ULK4: variants seen among roughly 807,000 people sequenced by gnomAD.
The protein encoded by ULK4 is inactive serine/threonine-protein kinase ULK4.
A neutral mutation model predicts 160.6 loss-of-function variants in ULK4; 133 were observed. That is an observed-to-expected ratio of 0.83 (90% confidence interval 0.72 to 0.96). The LOEUF is 0.96. Ranked by LOEUF, ULK4 falls within the 40% of genes least tolerant of loss-of-function variation. The probability of loss-of-function intolerance (pLI) is 0.00; values close to 1 mark genes in which losing one functional copy is unlikely to be tolerated. For synonymous variants in ULK4, 534 were observed against 539.8 expected, an observed-to-expected ratio of 0.99 and a Z score of 0.15; for missense variants, 1,580 against 1,499.5, an observed-to-expected ratio of 1.05 and a Z score of -0.89.
rs1197234650 is a variant in ULK4, at chr3:41,348,206, C to CAAAAAA, written c.3678+49867_3678+49872dup. On this transcript the variant is annotated intron_variant, in intron 35 of 36. Coordinates refer to ENST00000301831, the MANE Select transcript of ULK4 (RefSeq NM_017886.4). The stretch of plus-strand genomic sequence containing the variant: ...CCTAGGCAAAAAAGTAACTCTGTCT[C>CAAAAAA]AAAAAAAAAAAAAAAAAAAAAAAAA... Among the ~76,000 whole-genome samples the CAAAAAA allele has an allele frequency of 1.1e-3, 26 of 22,966 alleles. 1 individual carries two copies. The highest frequency in any genetic ancestry group is 4.3e-3 in the African/African-American group (25 of 5,842). The allele number at this position is 22,966 out of a possible 152,430, so 15.1% of individuals were successfully genotyped here.
rs1195001200 is a variant in ULK4, at chr3:41,495,210, G to A, written c.3227-31957C>T. Among the ~76,000 whole-genome samples, 4 of 152,204 alleles carry A rather than the reference G, an allele frequency of 2.6e-5. No individual in the cohort carries two copies. In the East Asian group the frequency reaches 7.7e-4, roughly 29 times the overall value. Reference sequence around the variant, plus strand: ...AGGCTACAGTAACCAAAACAGCATGGTACTGGTACCAAAACAGAGATATAG... The same window carrying A: ...AGGCTACAGTAACCAAAACAGCATGATACTGGTACCAAAACAGAGATATAG... On this transcript the variant is annotated intron_variant, in intron 32 of 36. Transcript: ENST00000301831.
intron 17 of ULK4, among the ~76,000 whole-genome samples, chr3:41,836,590 C>T (rs1194549064): frequency 6.6e-6 from 1 of 152,288 alleles, no homozygotes; most frequent in Admixed American, 6.5e-5. Flanking sequence ...GGCCCCAAGC[C>T]ATCCAGTTCA....
intron 32 of ULK4, among the ~76,000 whole-genome samples, chr3:41,500,425 CTTA>C (rs56011027): frequency 0.83 from 125,858 of 151,486 alleles, 53,817 homozygotes; most frequent in Non-Finnish European, 0.94. Context: ...GATAGGAGTT[CTTA>C]TTAAGTTAGG....
chr3:41,910,252 C>CT (rs1698732301), intron 11 of ULK4, among the ~76,000 whole-genome samples: 1 of 152,182 alleles, frequency 6.6e-6, no homozygotes, highest in Non-Finnish European at 1.5e-5. Flanking sequence ...ACCACTCTGA[C>CT]TTTAATTCTT....
chr3:41,394,478 G>A (rs747405243), intron 35 of ULK4, among the ~76,000 whole-genome samples: 2 of 152,062 alleles, frequency 1.3e-5, no homozygotes, highest in Non-Finnish European at 2.9e-5. Context: ...CCTTAAATGT[G>A]CTCAGAACAC....
intron 28 of ULK4, 28 bp downstream of exon 28, chr3:41,681,725 C>T (rs774834560): frequency 3.1e-6 from 5 of 1,613,836 alleles, no homozygotes; most frequent in Non-Finnish European, 3.4e-6. Flanking sequence ...GTAACTGATG[C>T]AATTCTTGCT....
At chr3:41,715,142 G>A in intron 25 of ULK4, 95 bp downstream of exon 25, 1 of 1,257,694 alleles carries the variant, frequency 8.0e-7, no homozygotes, top group Admixed American at 2.0e-5. Flanking sequence ...AATACCAACA[G>A]GATTTTTAAA....
At chr3:41,692,044 T>C (rs1221605125) in intron 27 of ULK4, among the ~76,000 whole-genome samples, 4 of 144,818 alleles carry the variant, frequency 2.8e-5, no homozygotes, top group African/African-American at 7.7e-5. Flanking sequence ...CTCTGCCTCC[T>C]GGGTTCACGC....
intron 17 of ULK4, among the ~76,000 whole-genome samples, chr3:41,855,483 C>T (rs779250693): frequency 2.0e-5 from 3 of 152,148 alleles, no homozygotes; most frequent in Non-Finnish European, 4.4e-5. Context: ...CACAACTATG[C>T]CTCCTATATG....
At chr3:41,950,457 G>A (rs1289180054) in intron 2 of ULK4, among the ~76,000 whole-genome samples, 1 of 152,096 alleles carries the variant, frequency 6.6e-6, no homozygotes, top group African/African-American at 2.4e-5. Flanking sequence ...TGGACAGGCT[G>A]GTCTTGAACT....
intron 21 of ULK4, among the ~76,000 whole-genome samples, chr3:41,770,445 T>G (rs76745877): frequency 6.6e-6 from 1 of 152,050 alleles, no homozygotes; most frequent in Non-Finnish European, 1.5e-5. Context: ...ATCTTCCTAA[T>G]GCTACAGATT....
At chr3:41,928,836 G>C (rs1432292061) in intron 5 of ULK4, among the ~76,000 whole-genome samples, 3 of 152,032 alleles carry the variant, frequency 2.0e-5, no homozygotes, top group Non-Finnish European at 4.4e-5. Context: ...CTGAAATTGA[G>C]GCAGTAATTA....
intron 35 of ULK4, among the ~76,000 whole-genome samples, chr3:41,309,897 GGA>G (rs1491326082): frequency 7.6e-6 from 1 of 132,174 alleles, no homozygotes; most frequent in African/African-American, 3.6e-5. Flanking sequence ...TGCCTTTTAG[GGA>G]AAAAAAAAAA....
chr3:41,367,997 C>T (rs2081285627), intron 35 of ULK4, among the ~76,000 whole-genome samples: 1 of 151,834 alleles, frequency 6.6e-6, no homozygotes, highest in Non-Finnish European at 1.5e-5. Context: ...CTTCTTTTTG[C>T]TCGTGTATAT....
Position 41,900,849 on chromosome 3 carries a change from T to G in ULK4, c.1183-20A>C, listed in dbSNP as rs778853941. ...TGTAATCTGAAATGAGAACAAAAAT[T>G]AGACTTTGTTTCTGCGACTAATGTA... On this transcript the variant is annotated intron_variant, in intron 12 of 36. Transcript: ENST00000301831. The G allele has an allele frequency of 2.5e-6, 4 of 1,588,646 alleles. No homozygotes were observed. In the East Asian group the frequency reaches 6.7e-5, roughly 27 times the overall value.
chr3:41,901,759 C>T (rs1005214764), intron 12 of ULK4, among the ~76,000 whole-genome samples: 1 of 151,960 alleles, frequency 6.6e-6, no homozygotes, highest in Admixed American at 6.6e-5. Flanking sequence ...GGATTATAGG[C>T]GTGAGCCACG....
intron 31 of ULK4, among the ~76,000 whole-genome samples, chr3:41,581,572 A>G (rs1013920085): frequency 1.3e-5 from 2 of 152,232 alleles, no homozygotes; most frequent in African/African-American, 4.8e-5. Context: ...TAAAAAAAAT[A>G]ATCTCCACTG....
intron 12 of ULK4, among the ~76,000 whole-genome samples, chr3:41,902,731 CA>C (rs947945117): frequency 1.3e-5 from 2 of 150,956 alleles, no homozygotes; most frequent in Non-Finnish European, 3.0e-5. Context: ...CTCACATTGC[CA>C]AAAAAAAGAT....
chr3:41,771,889 A>G (rs1575679581), intron 21 of ULK4, among the ~76,000 whole-genome samples: 1 of 152,328 alleles, frequency 6.6e-6, no homozygotes, highest in East Asian at 1.9e-4. Context: ...TTAGTATTTG[A>G]AACTTGTAAG....
Sources: gnomAD v4.1 joint callset for allele counts (sites outside exome capture counted in the v4.1 genomes callset) on GRCh38, gnomAD v4.1.1 for gene constraint, MANE v1.5 for transcripts, NCBI Gene and HGNC (gene_info 2026-07-23, HGNC 2026-07-21) for gene names.